FGF14: variants seen among roughly 807,000 people sequenced by gnomAD.
FGF14 encodes fibroblast growth factor 14, also known as fibroblast growth factor homologous factor 4.
In FGF14, 5 loss-of-function variants were observed where a neutral mutation model predicts 25.5. The ratio of observed to expected loss-of-function variants is 0.20; its 90% confidence interval spans 0.10 to 0.41. The LOEUF (loss-of-function observed/expected upper bound fraction) is 0.41. Ranked by LOEUF, FGF14 falls within the 10% of genes least tolerant of loss-of-function variation. The probability of loss-of-function intolerance (pLI) is 1.00; values close to 1 mark genes in which losing one functional copy is unlikely to be tolerated. For missense variants in FGF14, 222 were observed against 320.1 expected (o/e 0.69, Z 2.34); for synonymous variants, 138 against 118.3 (o/e 1.17, Z -1.08).
intron 1 of FGF14, among the ~76,000 whole-genome samples, chr13:102,274,792 A>C (rs1409068517): frequency 2.0e-5 from 3 of 151,990 alleles, no homozygotes; most frequent in Non-Finnish European, 4.4e-5. Context: ...TCTGACTTGG[A>C]GTATTCTGTC....
chr13:101,862,925 GTTAT>G (rs2044498199), intron 3 of FGF14, among the ~76,000 whole-genome samples: 1 of 152,050 alleles, frequency 6.6e-6, no homozygotes, highest in Non-Finnish European at 1.5e-5. Context: ...ATGTAAAACT[GTTAT>G]TTAACATTTT....
At chr13:102,050,542 T>C (rs924090175) in intron 1 of FGF14, among the ~76,000 whole-genome samples, 2 of 152,108 alleles carry the variant, frequency 1.3e-5, no homozygotes, top group Admixed American at 6.5e-5. Context: ...CTAATAATGA[T>C]TGAGAAACAA....
intron 1 of FGF14, among the ~76,000 whole-genome samples, chr13:102,096,056 G>T (rs4468458): frequency 6.7e-6 from 1 of 149,458 alleles, no homozygotes; most frequent in Non-Finnish European, 1.5e-5. Context: ...ACATTGTTTT[G>T]TATCTTATTC....
At chr13:101,971,092 G>T (rs1444004355) in intron 1 of FGF14, among the ~76,000 whole-genome samples, 1 of 152,096 alleles carries the variant, frequency 6.6e-6, no homozygotes. Flanking sequence ...TGGGTGGAAA[G>T]TTCCCTTCAC....
chr13:102,227,149 T>C (rs952484060), intron 1 of FGF14, among the ~76,000 whole-genome samples: 1 of 152,156 alleles, frequency 6.6e-6, no homozygotes, highest in Non-Finnish European at 1.5e-5. Context: ...ATTATTATTA[T>C]AACACTCAAG....
intron 1 of FGF14, among the ~76,000 whole-genome samples, chr13:102,291,180 ACGC>A (rs1307579906): frequency 2.0e-5 from 3 of 152,238 alleles, no homozygotes; most frequent in Non-Finnish European, 4.4e-5. Flanking sequence ...TTTCAGCCAC[ACGC>A]TGTTGAAAAT....
At chr13:102,063,707 A>C (rs976445313) in intron 1 of FGF14, among the ~76,000 whole-genome samples, 1 of 152,220 alleles carries the variant, frequency 6.6e-6, no homozygotes, top group Non-Finnish European at 1.5e-5. Flanking sequence ...TGTTTTATTC[A>C]GATCTGAAGA....
chr13:102,333,323 A>G (rs902786145), intron 1 of FGF14, among the ~76,000 whole-genome samples: 4 of 152,210 alleles, frequency 2.6e-5, no homozygotes, highest in African/African-American at 7.2e-5. Context: ...TGTCTGTGAG[A>G]ATATGAGTCA....
At chr13:102,075,057 A>G (rs114748845) in intron 1 of FGF14, among the ~76,000 whole-genome samples, 1,665 of 152,316 alleles carry the variant, frequency 0.011, 26 homozygotes, top group African/African-American at 0.038. Context: ...TCAACAAAGT[A>G]CTGGAAGTCC....
In FGF14 at chr13:101,714,595, T is replaced by C; in HGVS notation, c.*8236A>G. The C allele has an allele frequency of 1.7e-6, 2 of 1,158,604 alleles. No homozygotes were observed. The highest frequency in any genetic ancestry group is 2.6e-6 in the Non-Finnish European group (2 of 765,122). 71.8% of individuals were successfully genotyped at this position (1,158,604 alleles called of 1,614,324 possible). A position where few individuals can be genotyped will look rare whatever the true frequency, so the allele number is the denominator to read the frequency against. On this transcript the variant is annotated 3_prime_UTR_variant, in exon 5 of 5. Coordinates refer to ENST00000376143, the MANE Select transcript of FGF14 (RefSeq NM_004115.4). ...CTAATTGCTCTATGCCACAGTTTGT[T>C]ATAGAGCCAAGAGACACTCGTCATG...
chr13:102,077,432 A>G (rs2043414856), intron 1 of FGF14, among the ~76,000 whole-genome samples: 1 of 152,184 alleles, frequency 6.6e-6, no homozygotes, highest in African/African-American at 2.4e-5. Context: ...CAAGGAACTC[A>G]TATACCTCAG....
intron 1 of FGF14, chr13:102,299,812 T>C (rs896116660): frequency 1.3e-5 from 2 of 152,138 alleles, no homozygotes; most frequent in Non-Finnish European, 2.9e-5. Flanking sequence ...AGAAATGCTC[T>C]AGGCCCTAGG....
In FGF14 at chr13:102,089,069, A is replaced by T. The variant is rs546035638; in HGVS notation, c.209-213773T>A. On this transcript the variant is annotated intron_variant, in intron 1 of 4. Coordinates refer to the FGF14 transcript ENST00000376131. ...AAAACCCAGTTTTCTGCCATCATAGATACAGAATTCAGAATACAATCTTAA... is the reference window on the plus strand; with the variant it reads ...AAAACCCAGTTTTCTGCCATCATAGTTACAGAATTCAGAATACAATCTTAA... Among the ~76,000 whole-genome samples, 8 of 152,328 alleles carry T rather than the reference A, an allele frequency of 5.3e-5. No homozygotes were observed. The South Asian group carries it at 1.7e-3, about 32-fold the overall frequency.
chr13:102,244,557 T>C (rs1339303579), intron 1 of FGF14, among the ~76,000 whole-genome samples: 1 of 152,052 alleles, frequency 6.6e-6, no homozygotes, highest in Non-Finnish European at 1.5e-5. Flanking sequence ...GAGTGTACAA[T>C]TGTCATGTGA....
At chr13:101,801,593 C>G (rs183554358) in intron 3 of FGF14, among the ~76,000 whole-genome samples, 7 of 152,248 alleles carry the variant, frequency 4.6e-5, no homozygotes, top group Non-Finnish European at 7.4e-5. Context: ...GAAGCTAGTT[C>G]TGACTGATCT....
intron 3 of FGF14, among the ~76,000 whole-genome samples, chr13:101,858,916 T>C (rs2044266035): frequency 6.6e-6 from 1 of 152,106 alleles, no homozygotes; most frequent in South Asian, 2.1e-4. Context: ...CCCCTGAGAT[T>C]CTCTCTTAAG....
chr13:101,829,441 T>C (rs1018272405), intron 3 of FGF14, among the ~76,000 whole-genome samples: 8 of 152,122 alleles, frequency 5.3e-5, no homozygotes, highest in African/African-American at 1.9e-4. Context: ...GGAGTTTTAA[T>C]AGTGGTTAAA....
At chr13:102,169,096 T>G (rs1459930112) in intron 1 of FGF14, among the ~76,000 whole-genome samples, 1 of 151,322 alleles carries the variant, frequency 6.6e-6, no homozygotes, top group Non-Finnish European at 1.5e-5. Context: ...TACCTTAGGA[T>G]ATATGAAGCT....
intron 1 of FGF14, among the ~76,000 whole-genome samples, chr13:102,079,641 A>G (rs905873317): frequency 1.3e-5 from 2 of 152,290 alleles, no homozygotes; most frequent in South Asian, 2.1e-4. Context: ...ACTGGGGCAC[A>G]GCAGTGAACA....
Sources: gnomAD v4.1 joint callset for allele counts (sites outside exome capture counted in the v4.1 genomes callset) on GRCh38, gnomAD v4.1.1 for gene constraint, MANE v1.5 for transcripts, NCBI Gene and HGNC (gene_info 2026-07-23, HGNC 2026-07-21) for gene names.